Variants in SMARCA2 observed in about 807,000 individuals in gnomAD.
SMARCA2 encodes SWI/SNF related BAF chromatin remodeling complex subunit ATPase 2.
A neutral mutation model predicts 199.8 loss-of-function variants in SMARCA2; 61 were observed. The ratio of observed to expected loss-of-function variants is 0.31; its 90% CI spans 0.25 to 0.38. The LOEUF is 0.38. Among genes scored for constraint, SMARCA2 ranks in the 10% least tolerant of loss-of-function variants. The probability of loss-of-function intolerance (pLI) is 1.00; values close to 1 mark genes in which losing one functional copy is unlikely to be tolerated. For missense variants in SMARCA2, 1,344 were observed against 2,012.2 expected, an observed-to-expected ratio of 0.67 and a Z score of 6.35; for synonymous variants, 935 against 732.0, an observed-to-expected ratio of 1.28 and a Z score of -4.48.
intron 3 of SMARCA2, among the ~76,000 whole-genome samples, chr9:2,038,567 C>A (rs1183554256): frequency 2.0e-5 from 3 of 152,152 alleles, no homozygotes; most frequent in Admixed American, 2.0e-4. Flanking sequence ...TTACCCCTTT[C>A]CTGAAATAAT....
At chr9:2,147,288 C>A (rs1227870986) in intron 27 of SMARCA2, among the ~76,000 whole-genome samples, 1 of 151,488 alleles carries the variant, frequency 6.6e-6, no homozygotes, top group African/African-American at 2.4e-5. Context: ...TCTTTATGAC[C>A]CCCATTCCAA....
intron 28 of SMARCA2, among the ~76,000 whole-genome samples, chr9:2,165,360 T>C (rs1161901108): frequency 1.3e-5 from 2 of 152,218 alleles, no homozygotes; most frequent in Non-Finnish European, 2.9e-5. Context: ...TAAGATCATT[T>C]ATGTGTGTGT....
intron 27 of SMARCA2, among the ~76,000 whole-genome samples, chr9:2,133,770 G>T (rs1824068747): frequency 6.6e-6 from 1 of 152,134 alleles, no homozygotes; most frequent in African/African-American, 2.4e-5. Flanking sequence ...ACAGGGCAGG[G>T]TGGCCTCATC....
At chr9:2,064,567 G>A (rs144377118) in intron 9 of SMARCA2, among the ~76,000 whole-genome samples, 6 of 152,288 alleles carry the variant, frequency 3.9e-5, no homozygotes, top group Admixed American at 6.5e-5. Context: ...TCTTTGTGAT[G>A]TTGAATCAAT....
chr9:2,019,291 C>T (rs1347195936), intron 1 of SMARCA2, among the ~76,000 whole-genome samples: 1 of 152,142 alleles, frequency 6.6e-6, no homozygotes, highest in African/African-American at 2.4e-5. Flanking sequence ...TCCTTCAATG[C>T]AGCCTTTCTC....
At chr9:2,091,870 A>G (rs1822076825) in intron 19 of SMARCA2, among the ~76,000 whole-genome samples, 1 of 152,174 alleles carries the variant, frequency 6.6e-6, no homozygotes, top group African/African-American at 2.4e-5. Flanking sequence ...GCATCTTTTC[A>G]TGTGCTTTCT....
Position 2,111,455 on chromosome 9 carries a change from G to A in SMARCA2, c.3456+1038G>A, listed in dbSNP as rs144047818. On this transcript the variant is annotated intron_variant, in intron 24 of 33. Coordinates refer to ENST00000349721, the MANE Select transcript of SMARCA2 (RefSeq NM_003070.5). ...TATAGTGAGCCATGATCGTACCACC[G>A]CTCTCCAGCCCGGGCGACAAAGCAA... Among the ~76,000 whole-genome samples, 18 of 142,670 alleles carry A rather than the reference G, an allele frequency of 1.3e-4. No individual in the cohort carries two copies. The East Asian group carries it at 2.6e-3, about 21-fold the overall frequency. 93.6% of individuals were successfully genotyped at this position (142,670 alleles called of 152,430 possible).
chr9:2,158,041 G>T (rs1323370415), intron 27 of SMARCA2, among the ~76,000 whole-genome samples: 1 of 151,486 alleles, frequency 6.6e-6, no homozygotes, highest in Non-Finnish European at 1.5e-5. Context: ...CGTGCACGCC[G>T]CTTTCATAAG....
intron 2 of SMARCA2, 36 bp from the exon 3 acceptor site, chr9:2,032,916 T>C (rs1391717006): frequency 6.2e-7 from 1 of 1,600,456 alleles, no homozygotes; most frequent in Non-Finnish European, 8.5e-7. Flanking sequence ...TTTTACCTTA[T>C]AGAGGTGTCT....
chr9:2,192,434 T>C, intron 33 of SMARCA2: 1 of 409,416 alleles, frequency 2.4e-6, no homozygotes, highest in Non-Finnish European at 4.4e-6. Context: ...GAGAAAATAT[T>C]AGCCATAAAC....
chr9:2,028,845 C>G (rs1472088783), intron 1 of SMARCA2, 142 bp from the exon 2 acceptor site: 1 of 659,928 alleles, frequency 1.5e-6, no homozygotes, highest in Admixed American at 3.1e-5. Context: ...ATATCACACT[C>G]ACTCAAACAT....
rs139608138 is a variant in SMARCA2 at position 2,060,717 on chromosome 9, C to G, written c.1522-99C>G. The G allele has an allele frequency of 1.7e-4, 195 of 1,130,734 alleles. 1 individual carries two copies. The African/African-American group carries it at 2.8e-3, about 16-fold the overall frequency. 70.0% of individuals were successfully genotyped at this position (1,130,734 alleles called of 1,614,324 possible). A position where few individuals can be genotyped will look rare whatever the true frequency, so the allele number is the denominator to read the frequency against. On this transcript the variant is annotated intron_variant, in intron 8 of 33. Transcript: ENST00000349721. ...ACTCATCCAGTTTGCTACACTCCTA[C>G]CAGTCAAAATGCAGACTGTCAAGGG... is the stretch of plus-strand genomic sequence containing the variant.
At chr9:2,116,670 A>G (rs1358832056) in intron 25 of SMARCA2, among the ~76,000 whole-genome samples, 2 of 152,214 alleles carry the variant, frequency 1.3e-5, no homozygotes, top group African/African-American at 4.8e-5. Flanking sequence ...GGTTTTTATT[A>G]GGGGAATGTT....
chr9:2,083,278 A>G, intron 15 of SMARCA2, 69 bp from the exon 16 acceptor site: 2 of 1,010,440 alleles, frequency 2.0e-6, no homozygotes, highest in Non-Finnish European at 3.0e-6. Context: ...CATGAATAAG[A>G]ACATCTTTTT....
chr9:2,179,114 G>T (rs1353662332), intron 29 of SMARCA2, among the ~76,000 whole-genome samples: 3 of 152,216 alleles, frequency 2.0e-5, no homozygotes, highest in Admixed American at 6.5e-5. Context: ...GCTATGGAGT[G>T]AGAGCTAGGT....
chr9:2,152,817 A>T (rs181619404), intron 27 of SMARCA2, among the ~76,000 whole-genome samples: 2 of 152,106 alleles, frequency 1.3e-5, no homozygotes, highest in Non-Finnish European at 2.9e-5. Flanking sequence ...ACGCCACTGC[A>T]CTCCAGCCTG....
At chr9:2,034,809 G>A (rs1819250169) in intron 3 of SMARCA2, among the ~76,000 whole-genome samples, 1 of 152,114 alleles carries the variant, frequency 6.6e-6, no homozygotes, top group Non-Finnish European at 1.5e-5. Context: ...GAATTTTGGT[G>A]GCAGGCAGGC....
In SMARCA2 at chr9:2,123,778, A is replaced by C; in HGVS notation, c.3822A>C (p.Leu1274Phe). Residue 1274 changes from leucine (L) to phenylalanine (F), a missense_variant, in exon 27 of 34, where the codon TTA becomes TTC. Transcript: ENST00000349721. This position sits in a 1 kb window ranked among gnomAD's most constrained non-coding sequence, Gnocchi z 4.1. ...DARNPKRKPR[L>F]MEEDELPSWI... ...GGAACCCGAAACGGAAGCCCCGTTT[A>C]ATGGAGGAGGATGAGCTGCCCTCCT... The C allele has an allele frequency of 6.2e-7, 1 of 1,614,094 alleles. No individual in the cohort carries two copies. Among genetic ancestry groups the C allele is most frequent in the Non-Finnish European group, 8.5e-7 (1 of 1,179,990 alleles).
chr9:2,144,302 C>T (rs1824611520), intron 27 of SMARCA2, among the ~76,000 whole-genome samples: 1 of 152,130 alleles, frequency 6.6e-6, no homozygotes. Context: ...TTGGCGACCC[C>T]TGCGTACTGT....
Sources: gnomAD v4.1 joint callset for allele counts (sites outside exome capture counted in the v4.1 genomes callset) on GRCh38, gnomAD v4.1.1 for gene constraint, Gnocchi (gnomAD v3.1) non-coding constraint, MANE v1.5 for transcripts, NCBI Gene and HGNC (gene_info 2026-07-23, HGNC 2026-07-21) for gene names.